The following HHAT variants were observed in gnomAD, a reference collection of about 807,000 sequenced individuals.
The protein encoded by HHAT is protein-cysteine N-palmitoyltransferase HHAT.
Under a neutral mutation model 70.8 loss-of-function variants are expected in HHAT, and 47 were observed. The observed-to-expected ratio is 0.66, with a 90% confidence interval of 0.53 to 0.85. HHAT has a LOEUF of 0.85. Among genes scored for constraint, HHAT ranks in the 40% least tolerant of loss-of-function variants. The pLI is 0.00. For synonymous variants in HHAT, 228 were observed against 247.6 expected, an observed-to-expected ratio of 0.92 and a Z score of 0.74; for missense variants, 609 against 604.8, an observed-to-expected ratio of 1.01 and a Z score of -0.07.
At chr1:210,550,431 A>G (rs1482133684) in intron 9 of HHAT, among the ~76,000 whole-genome samples, 1 of 149,004 alleles carries the variant, frequency 6.7e-6, no homozygotes, top group East Asian at 2.2e-4. Context: ...TTTGAACTTC[A>G]GTTTCCTCAA....
At chr1:210,591,851 G>T (rs1393140495) in intron 10 of HHAT, among the ~76,000 whole-genome samples, 1 of 152,044 alleles carries the variant, frequency 6.6e-6, no homozygotes, top group Non-Finnish European at 1.5e-5. Flanking sequence ...TGTCTATTCA[G>T]ATCTTTGCCC....
upstream of HHAT, among the ~76,000 whole-genome samples, chr1:210,327,619 C>T (rs2084670552): frequency 6.6e-6 from 1 of 152,006 alleles, no homozygotes; most frequent in African/African-American, 2.4e-5. Context: ...GATTCTCGTG[C>T]CTCAGCCTCC....
At chr1:210,614,804 C>T (rs984240633) in intron 10 of HHAT, among the ~76,000 whole-genome samples, 5 of 151,998 alleles carry the variant, frequency 3.3e-5, no homozygotes, top group Admixed American at 6.5e-5. Flanking sequence ...CTTAATCCAG[C>T]CTATCATTGT....
intron 9 of HHAT, among the ~76,000 whole-genome samples, chr1:210,564,900 C>T (rs1654288062): frequency 6.6e-6 from 1 of 152,036 alleles, no homozygotes; most frequent in South Asian, 2.1e-4. Context: ...GTGTAGACTG[C>T]TCTTTCAAGG....
chr1:210,545,371 C>T (rs189909538), intron 9 of HHAT, among the ~76,000 whole-genome samples: 1 of 151,622 alleles, frequency 6.6e-6, no homozygotes, highest in East Asian at 1.9e-4. Flanking sequence ...GAATGGTATC[C>T]TTCTCTCACT....
At chr1:210,537,665 G>A (rs58812985) in intron 9 of HHAT, among the ~76,000 whole-genome samples, 5,866 of 152,238 alleles carry the variant, frequency 0.039, 363 homozygotes, top group African/African-American at 0.13. Flanking sequence ...AGCAACGAAT[G>A]GGATAGAGGA....
chr1:210,515,507 C>T (rs2095038526), intron 9 of HHAT, among the ~76,000 whole-genome samples: 1 of 152,146 alleles, frequency 6.6e-6, no homozygotes, highest in Admixed American at 6.5e-5. Context: ...CCTGTAATCC[C>T]AGCACTTTGG....
chr1:210,631,332 T>A (rs1670825119), intron 11 of HHAT, among the ~76,000 whole-genome samples: 1 of 152,226 alleles, frequency 6.6e-6, no homozygotes, highest in African/African-American at 2.4e-5. Flanking sequence ...TTCTGATTCT[T>A]AGTACTTCTC....
At chr1:210,406,648 C>T (rs1480866517) in intron 6 of HHAT, among the ~76,000 whole-genome samples, 1 of 152,180 alleles carries the variant, frequency 6.6e-6, no homozygotes, top group Non-Finnish European at 1.5e-5. Context: ...CCCTCAGCCT[C>T]CCAAAGTGCT....
At chr1:210,579,443 A>G (rs150607058) in intron 9 of HHAT, among the ~76,000 whole-genome samples, 57 of 152,274 alleles carry the variant, frequency 3.7e-4, no homozygotes, top group Middle Eastern at 3.4e-3. Flanking sequence ...CATTGTGCCT[A>G]TAGTTAACGA....
chr1:210,538,409 AT>A (rs1247342781), intron 9 of HHAT, among the ~76,000 whole-genome samples: 4 of 152,192 alleles, frequency 2.6e-5, no homozygotes, highest in African/African-American at 9.6e-5. Context: ...CAGGAAAAAT[AT>A]TTTAAAACTT....
intron 9 of HHAT, among the ~76,000 whole-genome samples, chr1:210,552,669 C>G (rs2095537269): frequency 6.6e-6 from 1 of 152,136 alleles, no homozygotes; most frequent in Non-Finnish European, 1.5e-5. Flanking sequence ...ACCTCTTGAC[C>G]AGTTATTGAT....
intron 10 of HHAT, among the ~76,000 whole-genome samples, chr1:210,607,303 C>G (rs1419764860): frequency 6.6e-6 from 1 of 152,074 alleles, no homozygotes; most frequent in South Asian, 2.1e-4. Context: ...CATTTTTTAT[C>G]TGTGAATGTG....
intron 9 of HHAT, among the ~76,000 whole-genome samples, chr1:210,546,194 C>A (rs1236543591): frequency 6.6e-6 from 1 of 152,154 alleles, no homozygotes. Flanking sequence ...CACACTGGGC[C>A]TTGGAGACAT....
chr1:210,405,904 AG>A lies in HHAT; in HGVS notation c.684+1226del, dbSNP rs2092309831. Among the ~76,000 whole-genome samples the A allele has an allele frequency of 2.0e-5, 3 of 152,334 alleles. No individual in the cohort carries two copies. In the South Asian group the frequency reaches 6.2e-4, roughly 32 times the overall value. ...ATTGTGTTTAAAATTATTGTGTAAA[AG>A]AGATGGTTTAATGATGGCAGCTGAT... is the stretch of plus-strand genomic sequence containing the variant. On this transcript the variant is annotated intron_variant, in intron 6 of 11. Coordinates refer to ENST00000261458, the MANE Select transcript of HHAT (RefSeq NM_018194.6).
At chr1:210,641,426 C>T (rs191770257) in intron 11 of HHAT, among the ~76,000 whole-genome samples, 83 of 152,220 alleles carry the variant, frequency 5.5e-4, no homozygotes, top group African/African-American at 1.9e-3. Context: ...TAGGTTGGTA[C>T]GCAAGTAATT....
intron 1 of HHAT, among the ~76,000 whole-genome samples, chr1:210,343,041 G>A (rs2086172890): frequency 6.6e-6 from 1 of 152,106 alleles, no homozygotes; most frequent in South Asian, 2.1e-4. Context: ...GACTATATGA[G>A]TAAACAGCAA....
rs531511937 is a variant in HHAT at position 210,541,001 on chromosome 1, C to T, written c.1043+27813C>T. On this transcript the variant is annotated intron_variant, in intron 9 of 11. Transcript: ENST00000261458. ...GACTACAGGCGCACGCCGCCATGCC[C>T]GGCTAATTTTTTGTATTTTAGTAGA... 7.4e-4 allele frequency among the ~76,000 whole-genome samples: 112 copies of T among 152,090 alleles called. No homozygotes were observed. The South Asian group carries it at 1.0e-2, about 14-fold the overall frequency.
At chr1:210,494,796 G>A (rs1452403702) in intron 8 of HHAT, among the ~76,000 whole-genome samples, 1 of 151,928 alleles carries the variant, frequency 6.6e-6, no homozygotes, top group Non-Finnish European at 1.5e-5. Context: ...CAGGCTATCC[G>A]CCTGCCTCTG....
Sources: allele counts gnomAD v4.1 joint callset (sites outside exome capture counted in the v4.1 genomes callset), GRCh38; gene constraint gnomAD v4.1.1; transcripts MANE v1.5; gene names NCBI Gene and HGNC (gene_info 2026-07-23, HGNC 2026-07-21).